The following NAALADL2 variants were observed in gnomAD, a reference collection of about 807,000 sequenced individuals.
NAALADL2 encodes N-acetylated alpha-linked acidic dipeptidase like 2, also known as inactive N-acetylated-alpha-linked acidic dipeptidase-like protein 2.
NAALADL2 carries 76 observed loss-of-function variants against 87.2 expected under a neutral mutation model. That is an observed-to-expected ratio of 0.87 (90% CI 0.72 to 1.05). NAALADL2 has a LOEUF of 1.05. NAALADL2 is among the 50% of genes least tolerant of loss of function. The pLI, the probability that NAALADL2 is intolerant of heterozygous loss-of-function variation, is 0.00. For missense variants in NAALADL2, 1,089 were observed against 945.8 expected (o/e 1.15, Z -1.99); for synonymous variants, 354 against 331.0 (o/e 1.07, Z -0.75).
At chr3:175,494,693 G>T (rs138959368) in intron 9 of NAALADL2, among the ~76,000 whole-genome samples, 1 of 152,116 alleles carries the variant, frequency 6.6e-6, no homozygotes, top group Admixed American at 6.6e-5. Context: ...ATTTCCAATC[G>T]GTACCTAGGA....
intron 2 of NAALADL2, among the ~76,000 whole-genome samples, chr3:175,144,267 GAGAAATA>G (rs1730440770): frequency 6.6e-6 from 1 of 151,800 alleles, no homozygotes; most frequent in Admixed American, 6.6e-5. Context: ...AGTTAAAATG[GAGAAATA>G]CAAAAAGCCA....
At chr3:174,613,094 G>T (rs1379426679) in intron 2 of NAALADL2, among the ~76,000 whole-genome samples, 2 of 152,116 alleles carry the variant, frequency 1.3e-5, no homozygotes, top group Non-Finnish European at 2.9e-5. Context: ...TCTTTGGATT[G>T]CCAGGCAGAG....
At chr3:175,033,663 T>C (rs1025303678) in intron 1 of NAALADL2, among the ~76,000 whole-genome samples, 1 of 152,084 alleles carries the variant, frequency 6.6e-6, no homozygotes, top group Non-Finnish European at 1.5e-5. Context: ...TTGCCTAATA[T>C]CCTGGATACC....
At chr3:175,373,565 C>A (rs761100884) in intron 5 of NAALADL2, among the ~76,000 whole-genome samples, 2 of 152,092 alleles carry the variant, frequency 1.3e-5, no homozygotes, top group Non-Finnish European at 2.9e-5. Flanking sequence ...CATTCTTTTG[C>A]TAATTGTCAT....
chr3:174,576,148 C>T (rs57691451), intron 2 of NAALADL2, among the ~76,000 whole-genome samples: 2,494 of 152,172 alleles, frequency 0.016, 69 homozygotes, highest in African/African-American at 0.056. Flanking sequence ...CAGATGTGAG[C>T]CACCGTGCCC....
intron 2 of NAALADL2, among the ~76,000 whole-genome samples, chr3:174,627,387 C>G (rs915193205): frequency 6.6e-6 from 1 of 151,970 alleles, no homozygotes; most frequent in Non-Finnish European, 1.5e-5. Context: ...AAAAAGATAC[C>G]ATCTTACACA....
rs34276529 is a variant in NAALADL2, at chr3:175,628,617, G to GTATATATATA, written c.1896+1241_1896+1250dup. On this transcript the variant is annotated intron_variant, in intron 11 of 13. Coordinates refer to ENST00000454872, the MANE Select transcript of NAALADL2 (RefSeq NM_207015.3). ...CCATTAAAATAATCTCTCTCTCTAT[G>GTATATATATA]TATATATATATATATATATGAATTA... 5.0e-3 allele frequency among the ~76,000 whole-genome samples: 689 copies of GTATATATATA among 139,186 alleles called. 4 individuals are homozygous for GTATATATATA. The highest frequency in any genetic ancestry group is 0.017 in the African/African-American group (654 of 38,366). The allele number at this position is 139,186 out of a possible 152,430, so 91.3% of individuals were successfully genotyped here.
At chr3:175,469,437 T>C (rs1043040235) in intron 8 of NAALADL2, among the ~76,000 whole-genome samples, 2 of 152,056 alleles carry the variant, frequency 1.3e-5, no homozygotes, top group African/African-American at 2.4e-5. Context: ...ATTGCCCCTT[T>C]TAATTTTGCT....
At chr3:174,818,616 A>G (rs933675546) in intron 3 of NAALADL2, among the ~76,000 whole-genome samples, 2 of 152,182 alleles carry the variant, frequency 1.3e-5, no homozygotes, top group African/African-American at 4.8e-5. Context: ...TACCTGTCAC[A>G]TACTACACCC....
At chr3:174,963,242 T>TA in intron 1 of NAALADL2, among the ~76,000 whole-genome samples, 1 of 152,244 alleles carries the variant, frequency 6.6e-6, no homozygotes, top group South Asian at 2.1e-4. Context: ...CAGATATTTT[T>TA]AAAAAGGTAC....
chr3:174,882,773 ATATATACATATGTG>A (rs1246905795), intron 1 of NAALADL2, among the ~76,000 whole-genome samples: 1 of 126,082 alleles, frequency 7.9e-6, no homozygotes, highest in African/African-American at 3.1e-5. Context: ...ACACACGTGT[ATATATACATATGTG>A]TATATATACA....
intron 2 of NAALADL2, among the ~76,000 whole-genome samples, chr3:175,212,167 T>TA (rs1560171586): frequency 6.6e-6 from 1 of 152,058 alleles, no homozygotes; most frequent in African/African-American, 2.4e-5. Flanking sequence ...CTAGAATTGT[T>TA]CTTATTACCT....
At chr3:175,473,259 A>AT (rs1416028804) in intron 9 of NAALADL2, among the ~76,000 whole-genome samples, 1 of 152,124 alleles carries the variant, frequency 6.6e-6, no homozygotes, top group Non-Finnish European at 1.5e-5. Flanking sequence ...ACAAGTGATG[A>AT]TTGATGATTC....
intron 3 of NAALADL2, among the ~76,000 whole-genome samples, chr3:174,747,478 C>A (rs941349660): frequency 2.0e-5 from 3 of 151,606 alleles, no homozygotes; most frequent in African/African-American, 7.3e-5. Context: ...AAAAGTTATC[C>A]AGGCATGGTG....
intron 3 of NAALADL2, among the ~76,000 whole-genome samples, chr3:174,847,414 C>G (rs1012685661): frequency 1.3e-5 from 2 of 152,118 alleles, no homozygotes; most frequent in Non-Finnish European, 2.9e-5. Context: ...TATCATGTTG[C>G]AAACTTTATC....
At chr3:175,332,238 G>A (rs540416581) in intron 5 of NAALADL2, among the ~76,000 whole-genome samples, 3 of 152,158 alleles carry the variant, frequency 2.0e-5, no homozygotes, top group Admixed American at 2.0e-4. Context: ...TATTTGAAGG[G>A]AACCATAAAA....
At chr3:175,738,082 C>G (rs1473863743) in intron 12 of NAALADL2, among the ~76,000 whole-genome samples, 1 of 152,042 alleles carries the variant, frequency 6.6e-6, no homozygotes, top group Non-Finnish European at 1.5e-5. Flanking sequence ...CACCCTCCTC[C>G]TCTTTGAGTC....
At chr3:174,692,321 C>T (rs1728651689) in intron 2 of NAALADL2, among the ~76,000 whole-genome samples, 2 of 152,118 alleles carry the variant, frequency 1.3e-5, no homozygotes, top group African/African-American at 4.8e-5. Context: ...TTTGGGTTTC[C>T]ATGTAAATTT....
At chr3:174,452,006 C>G (rs549010935) in intron 1 of NAALADL2, among the ~76,000 whole-genome samples, 31 of 139,126 alleles carry the variant, frequency 2.2e-4, no homozygotes, top group Admixed American at 1.5e-3. Flanking sequence ...CCATGCCTGG[C>G]TAATTTTTTT....
Sources: gnomAD v4.1 joint callset for allele counts (sites outside exome capture counted in the v4.1 genomes callset) on GRCh38, gnomAD v4.1.1 for gene constraint, MANE v1.5 for transcripts, NCBI Gene and HGNC (gene_info 2026-07-23, HGNC 2026-07-21) for gene names.